Variants in RGS6 observed in about 807,000 individuals in gnomAD.
RGS6 encodes regulator of G protein signaling 6, also known as regulator of G-protein signaling 6.
RGS6 carries 30 observed loss-of-function variants against 78.5 expected under a neutral mutation model. That is an observed-to-expected ratio of 0.38 (90% confidence interval 0.29 to 0.52). The LOEUF (loss-of-function observed/expected upper bound fraction) is 0.52. RGS6 is among the 20% of genes least tolerant of loss of function. RGS6 has a pLI of 0.85. For synonymous variants in RGS6, 206 were observed against 206.0 expected, an observed-to-expected ratio of 1.00 and a Z score of 0.00; for missense variants, 495 against 609.7, an observed-to-expected ratio of 0.81 and a Z score of 1.98.
intron 2 of RGS6, among the ~76,000 whole-genome samples, chr14:72,189,924 A>G (rs1259821471): frequency 6.6e-6 from 1 of 152,096 alleles, no homozygotes; most frequent in Non-Finnish European, 1.5e-5. Flanking sequence ...GTTCATAAAA[A>G]CGCATACCCA....
chr14:72,375,814 G>A (rs112688523), intron 3 of RGS6, among the ~76,000 whole-genome samples: 4 of 152,186 alleles, frequency 2.6e-5, no homozygotes, highest in African/African-American at 9.6e-5. Flanking sequence ...CTACCCAGAA[G>A]CAAAGCCAAT....
chr14:72,099,719 C>G (rs1220128042), intron 2 of RGS6, among the ~76,000 whole-genome samples: 1 of 152,188 alleles, frequency 6.6e-6, no homozygotes, highest in Non-Finnish European at 1.5e-5. Context: ...GAACTCTCTG[C>G]CACTCTTCCT....
At chr14:71,976,136 A>C (rs2153094908) in intron 2 of RGS6, among the ~76,000 whole-genome samples, 1 of 151,216 alleles carries the variant, frequency 6.6e-6, no homozygotes, top group South Asian at 2.1e-4. Context: ...CTTATTAATC[A>C]TAATTGTTTC....
At chr14:72,384,975 C>T (rs946492010) in intron 3 of RGS6, among the ~76,000 whole-genome samples, 2 of 152,154 alleles carry the variant, frequency 1.3e-5, no homozygotes, top group Non-Finnish European at 2.9e-5. Flanking sequence ...TGGTCTCGAA[C>T]TCCTGACCTC....
intron 17 of RGS6, among the ~76,000 whole-genome samples, chr14:72,545,508 G>A (rs542709117): frequency 4.5e-4 from 68 of 152,254 alleles, no homozygotes; most frequent in Middle Eastern, 3.4e-3. Context: ...AGGTCGTCTC[G>A]ATGGTCCCTT....
chr14:72,605,418 A>T, the RGS6 span, among the ~76,000 whole-genome samples: 8 of 152,320 alleles, frequency 5.3e-5, no homozygotes, highest in East Asian at 1.4e-3. Context: ...AGAACACTTT[A>T]ATGAGGCTCA....
At chr14:72,216,512 T>C (rs1384325598) in intron 2 of RGS6, among the ~76,000 whole-genome samples, 1 of 152,200 alleles carries the variant, frequency 6.6e-6, no homozygotes, top group Non-Finnish European at 1.5e-5. Context: ...TAAATTTCTT[T>C]CTAGGCCCTT....
At chr14:72,005,458 T>TAGCTATCTA (rs1567002333) in intron 2 of RGS6, among the ~76,000 whole-genome samples, 2 of 151,424 alleles carry the variant, frequency 1.3e-5, no homozygotes, top group South Asian at 2.1e-4. Flanking sequence ...TCTATCTATC[T>TAGCTATCTA]ATCTATCTAT....
At chr14:71,884,769 T>C in the RGS6 span, among the ~76,000 whole-genome samples, 1 of 152,204 alleles carries the variant, frequency 6.6e-6, no homozygotes. Context: ...AGAGAATTGA[T>C]GTCTGGATCC....
chr14:72,091,940 G>A (rs8022256), intron 2 of RGS6, among the ~76,000 whole-genome samples: 139,426 of 152,318 alleles, frequency 0.92, 64,130 homozygotes, highest in Admixed American at 0.96. Flanking sequence ...ACATACTTGG[G>A]CTGTATTACC....
chr14:72,292,710 C>T (rs774242136), intron 2 of RGS6, among the ~76,000 whole-genome samples: 2 of 152,190 alleles, frequency 1.3e-5, no homozygotes, highest in Non-Finnish European at 2.9e-5. Flanking sequence ...CAAGATGTTA[C>T]TGATGTATAG....
downstream of RGS6, among the ~76,000 whole-genome samples, chr14:72,569,733 G>A (rs1439793081): frequency 6.6e-6 from 1 of 152,154 alleles, no homozygotes; most frequent in East Asian, 1.9e-4. Context: ...TGAACAAGGA[G>A]TTATACACTA....
intron 3 of RGS6, among the ~76,000 whole-genome samples, chr14:72,366,348 G>A (rs560318042): frequency 2.0e-5 from 3 of 152,206 alleles, no homozygotes; most frequent in South Asian, 4.1e-4. Flanking sequence ...CTGAGTTAGG[G>A]GATAGATATG....
intron 3 of RGS6, among the ~76,000 whole-genome samples, chr14:72,432,146 G>A (rs1242079427): frequency 6.6e-6 from 1 of 152,212 alleles, no homozygotes; most frequent in Non-Finnish European, 1.5e-5. Context: ...CTGATTAGAT[G>A]TGTCCCTGTT....
At chr14:72,067,730 C>T (rs934991387) in intron 2 of RGS6, among the ~76,000 whole-genome samples, 5 of 152,084 alleles carry the variant, frequency 3.3e-5, no homozygotes, top group Admixed American at 2.0e-4. Flanking sequence ...TTGAAGTTTG[C>T]GCGTACAGCT....
At chr14:72,366,484 T>G (rs991916375) in intron 3 of RGS6, among the ~76,000 whole-genome samples, 7 of 152,000 alleles carry the variant, frequency 4.6e-5, no homozygotes, top group Non-Finnish European at 8.8e-5. Flanking sequence ...AATAGAGAAT[T>G]GGAGAGAGAA....
At chr14:71,949,000 T>C (rs899389144) in intron 1 of RGS6, among the ~76,000 whole-genome samples, 4 of 152,242 alleles carry the variant, frequency 2.6e-5, no homozygotes, top group African/African-American at 9.6e-5. Flanking sequence ...TTGCAATGTG[T>C]AGCAGTAGAC....
chr14:72,075,091 G>A (rs985071522), intron 2 of RGS6, among the ~76,000 whole-genome samples: 2 of 152,284 alleles, frequency 1.3e-5, no homozygotes, highest in South Asian at 2.1e-4. Context: ...CTCCATACTG[G>A]ATGTGGCTTT....
intron 1 of RGS6, among the ~76,000 whole-genome samples, chr14:71,949,103 A>G (rs2091977615): frequency 6.6e-6 from 1 of 151,802 alleles, no homozygotes; most frequent in Non-Finnish European, 1.5e-5. Flanking sequence ...TAGGTTAGAC[A>G]TATGAATAGT....
Sources: allele counts gnomAD v4.1 joint callset (sites outside exome capture counted in the v4.1 genomes callset), GRCh38; gene constraint gnomAD v4.1.1; transcripts MANE v1.5; gene names NCBI Gene and HGNC (gene_info 2026-07-23, HGNC 2026-07-21).